The following NEBL variants were observed in gnomAD, a reference collection of about 807,000 sequenced individuals.
The protein encoded by NEBL is LIM and SH3 protein 2.
NEBL carries 122 observed loss-of-function variants against 140.2 expected under a neutral mutation model. The ratio of observed to expected loss-of-function variants is 0.87; its 90% CI spans 0.75 to 1.01. The LOEUF is 1.01. NEBL is among the 50% of genes least tolerant of loss of function. The pLI, the probability that NEBL is intolerant of heterozygous loss-of-function variation, is 0.00. For missense variants in NEBL, 1,365 were observed against 1,231.3 expected (o/e 1.11, Z -1.62); for synonymous variants, 436 against 398.9 (o/e 1.09, Z -1.11).
At chr10:21,062,646 C>T (rs762244103) in intron 2 of NEBL, among the ~76,000 whole-genome samples, 39 of 152,006 alleles carry the variant, frequency 2.6e-4, no homozygotes, top group Non-Finnish European at 4.6e-4. Flanking sequence ...ATGATTGCAC[C>T]ACTGTATTCC....
intron 7 of NEBL, among the ~76,000 whole-genome samples, chr10:20,865,591 G>T (rs1317702823): frequency 1.3e-5 from 2 of 152,094 alleles, no homozygotes; most frequent in Admixed American, 6.6e-5. Context: ...GGGCGAAGTT[G>T]TAAGAGGCCA....
At chr10:21,161,937 T>C (rs1389632696) in intron 2 of NEBL, among the ~76,000 whole-genome samples, 1 of 152,184 alleles carries the variant, frequency 6.6e-6, no homozygotes, top group Non-Finnish European at 1.5e-5. Flanking sequence ...GGGGATGTGA[T>C]CAAGGTGGCT....
intron 2 of NEBL, among the ~76,000 whole-genome samples, chr10:21,116,884 CTGGTCATGAA>C (rs1426099588): frequency 6.6e-6 from 1 of 152,024 alleles, no homozygotes; most frequent in African/African-American, 2.4e-5. Flanking sequence ...ATTGTCCAGA[CTGGTCATGAA>C]TTCCTGGGCT....
At position 21,129,864 on chromosome 10, in the gene NEBL, G is replaced by A. The variant is rs80164320; in HGVS notation, c.164+42519C>T. Among the ~76,000 whole-genome samples the A allele has an allele frequency of 2.2e-3, 336 of 152,142 alleles. 13 individuals are homozygous for A. In the East Asian group the frequency reaches 0.057, roughly 26 times the overall value. The stretch of plus-strand genomic sequence containing the variant: ...GAACAAGGGCAAAAAATTTAAAATA[G>A]TAATAAATACGGCAGATATTAACCC... On this transcript the variant is annotated intron_variant, in intron 2 of 6. Coordinates refer to the NEBL transcript ENST00000417816.
chr10:21,194,325 A>G (rs540034473), intron 3 of NEBL, among the ~76,000 whole-genome samples: 1 of 152,320 alleles, frequency 6.6e-6, no homozygotes, highest in South Asian at 2.1e-4. Flanking sequence ...AATACTGTCA[A>G]GTCTAGCAAC....
intron 4 of NEBL, among the ~76,000 whole-genome samples, chr10:20,914,470 C>T (rs117015293): frequency 0.011 from 1,607 of 152,276 alleles, 17 homozygotes; most frequent in Middle Eastern, 0.031. Flanking sequence ...TCCTTGGAAG[C>T]AAACATTCCT....
In NEBL at chr10:21,010,375, G is replaced by A. The variant is rs574446466; in HGVS notation, c.249+9742C>T. ...TCCTCCTACATCAGTCTCCTGAGTA[G>A]GTGGGACTACAGGTGTGTGCTACCA... On this transcript the variant is annotated intron_variant, in intron 3 of 6. Coordinates refer to the NEBL transcript ENST00000417816. Among the ~76,000 whole-genome samples, 22 of 152,160 alleles carry A rather than the reference G, an allele frequency of 1.4e-4. No individual in the cohort carries two copies. The South Asian group carries it at 2.5e-3, about 17-fold the overall frequency.
Position 21,173,746 on chromosome 10 carries a change from C to T in NEBL, c.69+19G>A. ...CCTCGCCCGGCAGGTCCAGGCTGGC[C>T]CGGCGCCCCCTCGCTCACCTTATCC... is the stretch of plus-strand genomic sequence containing the variant. On this transcript the variant is annotated intron_variant, in intron 1 of 6. Coordinates refer to the NEBL transcript ENST00000417816. This position sits in a 1 kb window ranked among gnomAD's most constrained non-coding sequence, Gnocchi z 5.7. 2 of 1,611,700 alleles carry T rather than the reference C, an allele frequency of 1.2e-6. No individual in the cohort carries two copies. Among genetic ancestry groups the T allele is most frequent in the South Asian group, 1.1e-5 (1 of 91,028 alleles).
intron 2 of NEBL, among the ~76,000 whole-genome samples, chr10:21,142,242 C>T (rs1209113296): frequency 6.6e-6 from 1 of 152,114 alleles, no homozygotes; most frequent in African/African-American, 2.4e-5. Context: ...CATGGACCAA[C>T]CAAATAGCCT....
At chr10:21,172,567 A>G in intron 1 of NEBL, 1 of 862,144 alleles carries the variant, frequency 1.2e-6, no homozygotes, top group East Asian at 2.6e-5. Context: ...AGTGCATCAC[A>G]GTCCCTGTAG....
At chr10:21,076,389 G>T (rs1836078148) in intron 2 of NEBL, among the ~76,000 whole-genome samples, 1 of 136,840 alleles carries the variant, frequency 7.3e-6, no homozygotes, top group African/African-American at 2.7e-5. Context: ...AGGTTGCAGT[G>T]AGCCGAGATC....
At chr10:20,830,549 G>C (rs1054129767) in intron 16 of NEBL, among the ~76,000 whole-genome samples, 5 of 152,026 alleles carry the variant, frequency 3.3e-5, no homozygotes, top group Non-Finnish European at 5.9e-5. Context: ...AAACCTCACT[G>C]TTCCCTTAAT....
At chr10:21,148,320 G>A (rs544599039) in intron 2 of NEBL, among the ~76,000 whole-genome samples, 1 of 152,296 alleles carries the variant, frequency 6.6e-6, no homozygotes, top group East Asian at 1.9e-4. Context: ...TATTTCCTAA[G>A]TGACTGAAAC....
chr10:20,953,889 C>T (rs1472090987), intron 4 of NEBL, among the ~76,000 whole-genome samples: 1 of 152,028 alleles, frequency 6.6e-6, no homozygotes, highest in South Asian at 2.1e-4. Context: ...GTGCTCTGTA[C>T]TGAGCTCTAT....
rs71392181 is a variant in NEBL at position 21,288,820 on chromosome 10, G to GTATA, written n.182+4006_182+4009dup. ...TCTGACAATATATACGTGTGTGTGT[G>GTATA]TATATATATATATATATATATATAT... is the stretch of plus-strand genomic sequence containing the variant. On this transcript the variant is annotated intron_variant and non_coding_transcript_variant, in intron 1 of 8. Transcript: ENST00000675702. Among the ~76,000 whole-genome samples the GTATA allele has an allele frequency of 6.0e-4, 21 of 35,020 alleles. 2 individuals carry two copies. In the East Asian group the frequency reaches 0.045, roughly 75 times the overall value. The allele number at this position is 35,020 out of a possible 152,430, so 23.0% of individuals were successfully genotyped here.
At chr10:20,967,451 A>C (rs1301707216) in intron 3 of NEBL, among the ~76,000 whole-genome samples, 3 of 152,182 alleles carry the variant, frequency 2.0e-5, no homozygotes, top group Admixed American at 6.5e-5. Context: ...AACATGGCCA[A>C]ACCCTAGCTG....
intron 7 of NEBL, among the ~76,000 whole-genome samples, chr10:20,863,025 A>T (rs1174584426): frequency 6.6e-6 from 1 of 152,176 alleles, no homozygotes; most frequent in Non-Finnish European, 1.5e-5. Flanking sequence ...GGTATATAGG[A>T]TCAAACTCCT....
chr10:21,047,788 C>T (rs909699225), intron 2 of NEBL, among the ~76,000 whole-genome samples: 1 of 152,138 alleles, frequency 6.6e-6, no homozygotes, highest in South Asian at 2.1e-4. Context: ...CAAGAGGTTC[C>T]CTTTCCTCAG....
At position 20,809,888 on chromosome 10, in the gene NEBL, A is replaced by C. The variant is rs199821922; in HGVS notation, c.2529T>G (p.Val843=). ...AGATGGAGCCAGGATCTGTGCGCCA[A>C]ACTTTGAGGTCTTTTGCCAAAAGGA... The part of the protein sequence containing the change: ...RRPGIIVDLK[V]WRTDPGSIFD... The change falls in exon 25 of 28, where the codon GTT becomes GTG. Residue 843 remains valine (V), a synonymous_variant. Coordinates refer to ENST00000377122, the MANE Select transcript of NEBL (RefSeq NM_006393.3). 2.0e-5 allele frequency: 33 copies of C among 1,612,166 alleles called. No homozygotes were observed. Among genetic ancestry groups the C allele is most frequent in the Non-Finnish European group, 2.6e-5 (31 of 1,178,990 alleles).
Sources: allele counts gnomAD v4.1 joint callset (sites outside exome capture counted in the v4.1 genomes callset), GRCh38; gene constraint gnomAD v4.1.1; non-coding constraint Gnocchi (gnomAD v3.1); transcripts MANE v1.5; gene names NCBI Gene and HGNC (gene_info 2026-07-23, HGNC 2026-07-21).